EPOP: variants seen among roughly 807,000 people sequenced by gnomAD.
The protein encoded by EPOP is elongin BC and Polycomb repressive complex 2-associated protein.
EPOP carries 14 observed loss-of-function variants against 18.2 expected under a neutral mutation model. That is an observed-to-expected ratio of 0.77 (90% CI 0.51 to 1.20). EPOP has a LOEUF of 1.20. EPOP is among the 50% of genes most tolerant of loss of function. The pLI, the probability that EPOP is intolerant of heterozygous loss-of-function variation, is 0.00. For missense variants in EPOP, 527 were observed against 577.2 expected (o/e 0.91, Z 0.89); for synonymous variants, 252 against 274.9 (o/e 0.92, Z 0.83).
At position 38,673,780 on chromosome 17, in the gene EPOP, T is replaced by C. The variant is rs1468979717; in HGVS notation, c.716A>G (p.Asp239Gly). The change falls in exon 1 of 1, where the codon GAT becomes GGT. Residue 239 changes from aspartate (D) to glycine (G), a missense_variant. Physicochemically the swap from Asp to Gly is moderately conservative, Grantham distance 94 (BLOSUM62 -1). Transcript: ENST00000621654. ...ACGATCGAAATGTTCCTGGCGGAGA[T>C]CTCCGGGTGCGGCCGGAGCCGGGCT... ...TASPAPAAPGDLRQEHFDRLI... is the reference protein window; with the variant it reads ...TASPAPAAPGGLRQEHFDRLI... The C allele has an allele frequency of 2.0e-6, 3 of 1,519,436 alleles. No homozygotes were observed. In the East Asian group the frequency reaches 8.2e-5, roughly 42 times the overall value. The allele number at this position is 1,519,436 out of a possible 1,614,324, so 94.1% of individuals were successfully genotyped here. A position where few individuals can be genotyped will look rare whatever the true frequency, so the allele number is the denominator to read the frequency against.
rs1368664805 is a variant in EPOP at position 38,673,581 on chromosome 17, C to T, written c.915G>A (p.Pro305=). 13 of 1,465,236 alleles carry T rather than the reference C, an allele frequency of 8.9e-6. No individual in the cohort carries two copies. The highest frequency in any genetic ancestry group is 2.2e-4 in the Middle Eastern group (1 of 4,630). The allele number at this position is 1,465,236 out of a possible 1,614,324, so 90.8% of individuals were successfully genotyped here. ...PRTAQPRRPA[P]TLPTTSTFSL... is the part of the protein sequence containing the mutation. ...TGAAGGTGCTCGTGGTGGGGAGCGTCGGTGCAGGGCGGCGGGGCTGCGCGG... is the reference window on the plus strand; with the variant it reads ...TGAAGGTGCTCGTGGTGGGGAGCGTTGGTGCAGGGCGGCGGGGCTGCGCGG... Residue 305 remains proline, a synonymous_variant, in exon 1 of 1, where the codon CCG becomes CCA. Coordinates refer to ENST00000621654, the MANE Select transcript of EPOP (RefSeq NM_001130677.2).
In EPOP at chr17:38,674,191, G is replaced by C; in HGVS notation, c.305C>G (p.Thr102Ser). 1 of 1,419,582 alleles carries C rather than the reference G, an allele frequency of 7.0e-7. No individual in the cohort carries two copies. 87.9% of individuals were successfully genotyped at this position (1,419,582 alleles called of 1,614,324 possible). ...GACGTCCGCATCCTCGCCGGCGGCG[G>C]TGTTAGGAACGCCGGGCCGCCCGGT... ...APTGRPGVPN[T>S]AAGEDADVAA... Residue 102 changes from threonine to serine, a missense_variant, in exon 1 of 1, where the codon ACC (threonine) becomes AGC (serine). Coordinates refer to ENST00000621654, the MANE Select transcript of EPOP (RefSeq NM_001130677.2). The surrounding 1 kb of genome is among the most constrained non-coding windows in gnomAD (Gnocchi z 4.5).
Position 38,673,112 on chromosome 17 carries a change from A to C in EPOP, c.*244T>G. The C allele has an allele frequency of 1.9e-6, 1 of 525,270 alleles. No individual in the cohort carries two copies. Among genetic ancestry groups the C allele is most frequent in the East Asian group, 3.7e-5 (1 of 27,170 alleles). 32.5% of individuals were successfully genotyped at this position (525,270 alleles called of 1,614,324 possible). On this transcript the variant is annotated 3_prime_UTR_variant, in exon 1 of 1. Coordinates refer to ENST00000621654, the MANE Select transcript of EPOP (RefSeq NM_001130677.2). ...CGGTCCGAGATGGAAGGAGGCAGGG[A>C]TTGGAATCTATGTCATCAGCCTTCT...
chr17:38,674,265 C>T lies in EPOP; in HGVS notation c.231G>A (p.Leu77=). The part of the protein sequence containing the change: ...SPVLRGPQAP[L]RPGGWAPDGL... ...CATCCGGGGCCCAGCCGCCAGGGCG[C>T]AGGGGGGCCTGAGGGCCCCGCAGCA... is the stretch of plus-strand genomic sequence containing the variant. Residue 77 remains leucine (L), a synonymous_variant, in exon 1 of 1, where the codon CTG becomes CTA. Coordinates refer to ENST00000621654, the MANE Select transcript of EPOP (RefSeq NM_001130677.2). The surrounding 1 kb of genome is among the most constrained non-coding windows in gnomAD (Gnocchi z 4.5). 4 of 1,460,466 alleles carry T rather than the reference C, an allele frequency of 2.7e-6. No individual in the cohort carries two copies. The highest frequency in any genetic ancestry group is 3.6e-6 in the Non-Finnish European group (4 of 1,116,554). The allele number at this position is 1,460,466 out of a possible 1,614,324, so 90.5% of individuals were successfully genotyped here.
rs1910992008 is a variant in EPOP, at chr17:38,673,115, G to T, written c.*241C>A. On this transcript the variant is annotated 3_prime_UTR_variant, in exon 1 of 1. Coordinates refer to ENST00000621654, the MANE Select transcript of EPOP (RefSeq NM_001130677.2). ...TCCGAGATGGAAGGAGGCAGGGATT[G>T]GAATCTATGTCATCAGCCTTCTCCC... The T allele has an allele frequency of 7.3e-6, 4 of 551,346 alleles. No homozygotes were observed. The highest frequency in any genetic ancestry group is 1.1e-5 in the Non-Finnish European group (4 of 351,094). 34.2% of individuals were successfully genotyped at this position (551,346 alleles called of 1,614,324 possible). A position where few individuals can be genotyped will look rare whatever the true frequency, so the allele number is the denominator to read the frequency against.
At position 38,673,642 on chromosome 17, in the gene EPOP, G is replaced by A; in HGVS notation, c.854C>T (p.Ala285Val). Residue 285 changes from alanine to valine, a missense_variant, in exon 1 of 1, where the codon GCC (alanine) becomes GTC (valine). Ala to Val is a moderately conservative substitution (Grantham distance 64). Transcript: ENST00000621654. ...PPAKGPARGA[A>V]KKRRLPAPPP... ...GGGCGCCGGCAGCCGGCGTTTCTTG[G>A]CGGCTCCCCGAGCCGGCCCTTTCGC... The A allele has an allele frequency of 6.6e-7, 1 of 1,524,838 alleles. No homozygotes were observed. The highest frequency in any genetic ancestry group is 8.8e-7 in the Non-Finnish European group (1 of 1,136,918). 94.5% of individuals were successfully genotyped at this position (1,524,838 alleles called of 1,614,324 possible).
rs1352209064 is a variant in EPOP, at chr17:38,674,326, C to A, written c.170G>T (p.Gly57Val). The A allele has an allele frequency of 2.0e-6, 3 of 1,536,908 alleles. No individual in the cohort carries two copies. Among genetic ancestry groups the A allele is most frequent in the Admixed American group, 3.9e-5 (2 of 50,754 alleles). Residue 57 changes from glycine to valine, a missense_variant, in exon 1 of 1, where the codon GGC (glycine) becomes GTC (valine). Gly to Val is a moderately radical substitution (Grantham distance 109). Coordinates refer to ENST00000621654, the MANE Select transcript of EPOP (RefSeq NM_001130677.2). This position sits in a 1 kb window ranked among gnomAD's most constrained non-coding sequence, Gnocchi z 4.5. The stretch of plus-strand genomic sequence containing the variant: ...CGCCGCCAGCTCCCCAGGCCCCGGG[C>A]CCAGAGAGGACGCCCGGGGCTTGGC... ...ALAKPRASSL[G>V]PGPGELAARS...
chr17:38,673,806 G>A lies in EPOP; in HGVS notation c.690C>T (p.Ala230=), dbSNP rs1322929091. 1.3e-6 allele frequency: 2 copies of A among 1,511,204 alleles called. No homozygotes were observed. Among genetic ancestry groups the A allele is most frequent in the Middle Eastern group, 1.7e-4 (1 of 5,868 alleles). 93.6% of individuals were successfully genotyped at this position (1,511,204 alleles called of 1,614,324 possible). A position where few individuals can be genotyped will look rare whatever the true frequency, so the allele number is the denominator to read the frequency against. Residue 230 remains alanine, a synonymous_variant, in exon 1 of 1, where the codon GCC becomes GCT. Transcript: ENST00000621654. The part of the protein sequence containing the change: ...PEAPAASPST[A]SPAPAAPGDL... ...CTCCGGGTGCGGCCGGAGCCGGGCT[G>A]GCCGTCGAGGGGCTGGCCGCTGGAG...
chr17:38,674,221 G>C lies in EPOP; in HGVS notation c.275C>G (p.Ala92Gly), dbSNP rs1911048959. ...AGGAACGCCGGGCCGCCCGGTCGGT[G>C]CCCAGAGGTGCTTCAGGCCATCCGG... ...WAPDGLKHLW[A>G]PTGRPGVPNT... Residue 92 changes from alanine to glycine, a missense_variant, in exon 1 of 1, where the codon GCA (alanine) becomes GGA (glycine). Ala to Gly is a moderately conservative substitution (Grantham distance 60). Transcript: ENST00000621654. The surrounding 1 kb of genome is among the most constrained non-coding windows in gnomAD (Gnocchi z 4.5). 1 of 1,431,032 alleles carries C rather than the reference G, an allele frequency of 7.0e-7. No individual in the cohort carries two copies. The highest frequency in any genetic ancestry group is 9.1e-7 in the Non-Finnish European group (1 of 1,103,172). The allele number at this position is 1,431,032 out of a possible 1,614,324, so 88.6% of individuals were successfully genotyped here. A position where few individuals can be genotyped will look rare whatever the true frequency, so the allele number is the denominator to read the frequency against.
In EPOP at chr17:38,674,218, G is replaced by A; in HGVS notation, c.278C>T (p.Pro93Leu). 1 of 1,405,800 alleles carries A rather than the reference G, an allele frequency of 7.1e-7. No homozygotes were observed. Among genetic ancestry groups the A allele is most frequent in the South Asian group, 1.6e-5 (1 of 64,300 alleles). 87.1% of individuals were successfully genotyped at this position (1,405,800 alleles called of 1,614,324 possible). The change falls in exon 1 of 1, where the codon CCG (proline) becomes CTG (leucine). Residue 93 changes from proline to leucine, a missense_variant. By Grantham distance (98) the Pro-to-Leu change is moderately conservative. Transcript: ENST00000621654. The surrounding 1 kb of genome is among the most constrained non-coding windows in gnomAD (Gnocchi z 4.5). Reference protein sequence around the residue: ...APDGLKHLWAPTGRPGVPNTA... With the variant: ...APDGLKHLWALTGRPGVPNTA... Reference sequence around the variant, plus strand: ...GTTAGGAACGCCGGGCCGCCCGGTCGGTGCCCAGAGGTGCTTCAGGCCATC... The same window carrying A: ...GTTAGGAACGCCGGGCCGCCCGGTCAGTGCCCAGAGGTGCTTCAGGCCATC...
rs1446995011 is a variant in EPOP, at chr17:38,674,099, A to G, written c.397T>C (p.Ser133Pro). 1.4e-6 allele frequency: 2 copies of G among 1,448,056 alleles called. No individual in the cohort carries two copies. The highest frequency in any genetic ancestry group is 1.5e-5 in the African/African-American group (1 of 66,690). The allele number at this position is 1,448,056 out of a possible 1,614,324, so 89.7% of individuals were successfully genotyped here. ...GGGFPHFGVR[S>P]CAPPGRCPAP... ...GGGCAGCGGCCCGGAGGTGCACAGG[A>G]GCGAACGCCGAAGTGCGGGAAACCG... Residue 133 changes from serine (S) to proline (P), a missense_variant, in exon 1 of 1, where the codon TCC becomes CCC. Ser to Pro is a moderately conservative substitution (Grantham distance 74). Transcript: ENST00000621654. This position sits in a 1 kb window ranked among gnomAD's most constrained non-coding sequence, Gnocchi z 4.5.
Position 38,672,950 on chromosome 17 carries a change from A to C in EPOP, c.*406T>G. 1 of 161,382 alleles carries C rather than the reference A, an allele frequency of 6.2e-6. No individual in the cohort carries two copies. Among genetic ancestry groups the C allele is most frequent in the South Asian group, 1.9e-4 (1 of 5,174 alleles). The allele number at this position is 161,382 out of a possible 1,614,324, so 10.0% of individuals were successfully genotyped here. ...CACCCCCACCACAGCCCCGCACCCC[A>C]GGCTCGCCCACAGACACAGTAACAA... On this transcript the variant is annotated 3_prime_UTR_variant, in exon 1 of 1. Transcript: ENST00000621654.
rs775325376 is a variant in EPOP at position 38,674,096 on chromosome 17, A to C, written c.400T>G (p.Cys134Gly). ...GGFPHFGVRS[C>G]APPGRCPAPP... ...GCAGGGCAGCGGCCCGGAGGTGCAC[A>C]GGAGCGAACGCCGAAGTGCGGGAAA... The change falls in exon 1 of 1, where the codon TGT becomes GGT. Residue 134 changes from cysteine to glycine, a missense_variant. By Grantham distance (159) the Cys-to-Gly change is radical (BLOSUM62 -3). Transcript: ENST00000621654. This position sits in a 1 kb window ranked among gnomAD's most constrained non-coding sequence, Gnocchi z 4.5. 6.9e-7 allele frequency: 1 copy of C among 1,449,458 alleles called. No homozygotes were observed. The highest frequency in any genetic ancestry group is 9.0e-7 in the Non-Finnish European group (1 of 1,110,414). The allele number at this position is 1,449,458 out of a possible 1,614,324, so 89.8% of individuals were successfully genotyped here.
At position 38,672,433 on chromosome 17, in the gene EPOP, C is replaced by T. The variant is rs1910973536; in HGVS notation, c.*923G>A. 2 of 152,200 alleles carry T rather than the reference C, an allele frequency of 1.3e-5. No homozygotes were observed. Among genetic ancestry groups the T allele is most frequent in the Admixed American group, 6.5e-5 (1 of 15,274 alleles). The allele number at this position is 152,200 out of a possible 1,614,324, so 9.4% of individuals were successfully genotyped here. ...TCTCATCCATAAATCGGTGGAGGCC[C>T]TCGAAAGGCGACTTGTTTGGTCTGA... On this transcript the variant is annotated 3_prime_UTR_variant, in exon 1 of 1. Transcript: ENST00000621654.
In EPOP at chr17:38,674,408, G is replaced by C. The variant is rs867319646; in HGVS notation, c.88C>G (p.Arg30Gly). ...AGCGGAGAGAATTCCTGGGTCCCCC[G>C]ACACGGCTTCCGGGGCGTGGGGGAG... ...PCSPTPRKPC[R>G]GTQEFSPLCL... The change falls in exon 1 of 1, where the codon CGG becomes GGG. Residue 30 changes from arginine (R) to glycine (G), a missense_variant. Coordinates refer to ENST00000621654, the MANE Select transcript of EPOP (RefSeq NM_001130677.2). This position sits in a 1 kb window ranked among gnomAD's most constrained non-coding sequence, Gnocchi z 4.5. 1 of 1,543,324 alleles carries C rather than the reference G, an allele frequency of 6.5e-7. No homozygotes were observed. Among genetic ancestry groups the C allele is most frequent in the Admixed American group, 2.0e-5 (1 of 50,922 alleles).
rs891691470 is a variant in EPOP at position 38,674,464 on chromosome 17, G to A, written c.32C>T (p.Ala11Val). ...CGACCCTCGCGGGGACGCCGGCACT[G>A]CCAGGCGGGGCGCAGGGCACAGGGT... is the stretch of plus-strand genomic sequence containing the variant. METLCPAPRL[A>V]VPASPRGSPC... The change falls in exon 1 of 1, where the codon GCA (alanine) becomes GTA (valine). Residue 11 changes from alanine to valine, a missense_variant. Transcript: ENST00000621654. This position sits in a 1 kb window ranked among gnomAD's most constrained non-coding sequence, Gnocchi z 4.5. 1.5e-5 allele frequency: 23 copies of A among 1,537,088 alleles called. No individual in the cohort carries two copies. The African/African-American group carries it at 3.0e-4, about 20-fold the overall frequency.
Position 38,674,695 on chromosome 17 carries a change from G to C in EPOP, c.-200C>G. The C allele has an allele frequency of 2.1e-6, 1 of 474,414 alleles. No individual in the cohort carries two copies. Among genetic ancestry groups the C allele is most frequent in the Non-Finnish European group, 3.6e-6 (1 of 281,536 alleles). 29.4% of individuals were successfully genotyped at this position (474,414 alleles called of 1,614,324 possible). ...CTCTCCTCACGCGGCCCTCCCGGCG[G>C]CCGGACTCCTGGGTCCCTGTGAGTC... On this transcript the variant is annotated 5_prime_UTR_variant, in exon 1 of 1. Transcript: ENST00000621654. The surrounding 1 kb of genome is among the most constrained non-coding windows in gnomAD (Gnocchi z 4.5).
rs767079380 is a variant in EPOP, at chr17:38,673,704, G to T, written c.792C>A (p.Asp264Glu). ...LWCYAKGFAL[D>E]TPSLRRGPER... Reference sequence around the variant, plus strand: ...CTGGCCCCCGGCGCAAACTCGGAGTGTCCAAGGCGAAGCCCTTCGCGTAAC... The same window carrying T: ...CTGGCCCCCGGCGCAAACTCGGAGTTTCCAAGGCGAAGCCCTTCGCGTAAC... The change falls in exon 1 of 1, where the codon GAC becomes GAA. Residue 264 changes from aspartate (D) to glutamate (E), a missense_variant. Transcript: ENST00000621654. The T allele has an allele frequency of 6.5e-7, 1 of 1,533,520 alleles. No homozygotes were observed. The highest frequency in any genetic ancestry group is 2.0e-5 in the Admixed American group (1 of 49,408). 95.0% of individuals were successfully genotyped at this position (1,533,520 alleles called of 1,614,324 possible). A position where few individuals can be genotyped will look rare whatever the true frequency, so the allele number is the denominator to read the frequency against.
In EPOP at chr17:38,673,012, CT is replaced by C. The variant is rs1019714014; in HGVS notation, c.*343del. On this transcript the variant is annotated 3_prime_UTR_variant, in exon 1 of 1. Transcript: ENST00000621654. Reference sequence around the variant, plus strand: ...ATCACCGAGGTCTCTCTCTTCTCCCCTTTTTTTTGGGTGGGGGGGTGTCTTT... The same window carrying C: ...ATCACCGAGGTCTCTCTCTTCTCCCCTTTTTTTGGGTGGGGGGGTGTCTTT... The C allele has an allele frequency of 4.5e-4, 114 of 255,918 alleles. No homozygotes were observed. Among genetic ancestry groups the C allele is most frequent in the East Asian group, 6.0e-4 (8 of 13,296 alleles). 15.9% of individuals were successfully genotyped at this position (255,918 alleles called of 1,614,324 possible). A position where few individuals can be genotyped will look rare whatever the true frequency, so the allele number is the denominator to read the frequency against.
Sources: allele counts gnomAD v4.1 joint callset, GRCh38; gene constraint gnomAD v4.1.1; non-coding constraint Gnocchi (gnomAD v3.1); transcripts MANE v1.5; gene names NCBI Gene and HGNC (gene_info 2026-07-23, HGNC 2026-07-21).